The following MUC5B variants were observed in gnomAD, a reference collection of about 807,000 sequenced individuals.
MUC5B encodes the protein mucin-5B.
In MUC5B, 116 loss-of-function variants were observed where a neutral mutation model predicts 376.9. The ratio of observed to expected loss-of-function variants is 0.31; its 90% confidence interval spans 0.26 to 0.36. The LOEUF (loss-of-function observed/expected upper bound fraction) is 0.36. Among genes scored for constraint, MUC5B ranks in the 10% least tolerant of loss-of-function variants. MUC5B has a pLI of 1.00. For missense variants in MUC5B, 7,165 were observed against 7,769.9 expected (o/e 0.92, Z 2.93); for synonymous variants, 3,517 against 3,390.9 (o/e 1.04, Z -1.29).
In MUC5B at chr11:1,248,798, C is replaced by A; in HGVS notation, c.11918C>A (p.Pro3973His). ...PSSTPGTTPI[P>H]PVLTTTATTP... ...TCAACTCCAGGGACAACACCTATCC[C>A]CCCAGTGCTGACCACCACCGCCACC... The change falls in exon 31 of 49, where the codon CCC becomes CAC. Residue 3973 changes from proline to histidine, a missense_variant. Coordinates refer to ENST00000529681, the MANE Select transcript of MUC5B (RefSeq NM_002458.3). The A allele has an allele frequency of 6.5e-7, 1 of 1,549,166 alleles. No homozygotes were observed. Among genetic ancestry groups the A allele is most frequent in the Middle Eastern group, 1.7e-4 (1 of 5,762 alleles).
At chr11:1,232,868 G>T in intron 17 of MUC5B, 98 bp downstream of exon 17, 1 of 1,474,606 alleles carries the variant, frequency 6.8e-7, no homozygotes, top group South Asian at 1.4e-5. Flanking sequence ...TCTCAGCCCA[G>T]AGCTTTGCAC....
chr11:1,247,115 C>T lies in MUC5B; in HGVS notation c.10235C>T (p.Thr3412Ile). ...ACCAACCCCTCCTCAACTCCAGGGACAACTCCCATCCCCCCAGTGCTGACC... is the reference window on the plus strand; with the variant it reads ...ACCAACCCCTCCTCAACTCCAGGGATAACTCCCATCCCCCCAGTGCTGACC... The part of the protein sequence containing the change: ...STTNPSSTPG[T>I]TPIPPVLTTT... Residue 3412 changes from threonine (T) to isoleucine (I), a missense_variant, in exon 31 of 49, where the codon ACA (threonine) becomes ATA (isoleucine). This residue lies in a region of MUC5B where 939 missense variants were observed against 770.6 expected (regional missense o/e 1.22). Transcript: ENST00000529681. 6.4e-7 allele frequency: 1 copy of T among 1,567,236 alleles called. No homozygotes were observed. The highest frequency in any genetic ancestry group is 8.6e-7 in the Non-Finnish European group (1 of 1,156,660).
rs56278723 is a variant in MUC5B, at chr11:1,257,886, C to T, written c.16450+176C>T. 1.3e-5 allele frequency among the ~76,000 whole-genome samples: 2 copies of T among 152,256 alleles called. No individual in the cohort carries two copies. Among genetic ancestry groups the T allele is most frequent in the African/African-American group, 2.4e-5 (1 of 41,556 alleles). Reference sequence around the variant, plus strand: ...TCCAGGTGCTTCATTCTCCTCCTAACGATGAGGCTGGTGACCTCTGGCCTG... The same window carrying T: ...TCCAGGTGCTTCATTCTCCTCCTAATGATGAGGCTGGTGACCTCTGGCCTG... On this transcript the variant is annotated intron_variant, in intron 41 of 48. Transcript: ENST00000529681. This position sits in a 1 kb window ranked among gnomAD's most constrained non-coding sequence, Gnocchi z 8.9.
At chr11:1,261,251 T>G in intron 48 of MUC5B, 138 bp from the exon 49 acceptor site, 1 of 710,432 alleles carries the variant, frequency 1.4e-6, no homozygotes, top group African/African-American at 1.8e-5. Flanking sequence ...AAGCCTCACG[T>G]GCCCACAGAG....
intron 25 of MUC5B, 33 bp from the exon 26 acceptor site, chr11:1,238,838 C>T: frequency 1.3e-6 from 2 of 1,537,274 alleles, no homozygotes; most frequent in Non-Finnish European, 1.8e-6. Context: ...GGGCCATTGT[C>T]CCGGCTGAGC....
At position 1,233,059 on chromosome 11, in the gene MUC5B, G is replaced by T; in HGVS notation, c.2112G>T (p.Val704=). The T allele has an allele frequency of 6.2e-7, 1 of 1,605,280 alleles. No homozygotes were observed. The change falls in exon 18 of 49, where the codon GTG becomes GTT. Residue 704 remains valine (V), a synonymous_variant. Coordinates refer to ENST00000529681, the MANE Select transcript of MUC5B (RefSeq NM_002458.3). ...CCAAGTCCCAGCGCTACGCCTACGT[G>T]GTGGATGCCTGCCAGCCCACTTGCC... is the stretch of plus-strand genomic sequence containing the variant. ...NCPKSQRYAY[V]VDACQPTCRG... is the part of the protein sequence containing the mutation.
At position 1,253,012 on chromosome 11, in the gene MUC5B, G is replaced by A. The variant is rs116907984; in HGVS notation, c.15217+32G>A. ...GCGTCGGTGGCCGCGGGATTACCCC[G>A]GGGGCAGGTGGAGCAGAGTGCACCG... On this transcript the variant is annotated intron_variant, in intron 33 of 48. Transcript: ENST00000529681. The surrounding 1 kb of genome is among the most constrained non-coding windows in gnomAD (Gnocchi z 4.3). 0.03 allele frequency: 47,847 copies of A among 1,610,856 alleles called. 899 individuals carry two copies. The highest frequency in any genetic ancestry group is 0.033 in the Non-Finnish European group (38,561 of 1,179,072).
chr11:1,227,486 T>C, intron 6 of MUC5B, 88 bp downstream of exon 6: 1 of 1,066,994 alleles, frequency 9.4e-7, no homozygotes, highest in Non-Finnish European at 1.4e-6. Context: ...GGGGGCGGAG[T>C]GGGGACCGGG....
rs745579666 is a variant in MUC5B, at chr11:1,246,645, C to A, written c.9765C>A (p.Thr3255=). ...LGTAWTRLSQ[T]TTPTATMSTA... is the part of the protein sequence containing the mutation. ...CCGCCTGGACCCGCCTATCACAGAC[C>A]ACCACACCCACGGCCACCATGTCCA... Residue 3255 remains threonine (T), a synonymous_variant, in exon 31 of 49, where the codon ACC becomes ACA. Transcript: ENST00000529681. 4 of 1,612,758 alleles carry A rather than the reference C, an allele frequency of 2.5e-6. No homozygotes were observed. The highest frequency in any genetic ancestry group is 2.7e-5 in the African/African-American group (2 of 74,842).
At chr11:1,252,206 C>A in intron 31 of MUC5B, 137 bp from the exon 32 acceptor site, 1 of 841,908 alleles carries the variant, frequency 1.2e-6, no homozygotes, top group Non-Finnish European at 1.8e-6. Flanking sequence ...ACTGGCCACA[C>A]TCAGCCTCTG....
In MUC5B at chr11:1,256,268, T is replaced by A. The variant is rs112528808; in HGVS notation, c.16136+43T>A. 527 of 715,330 alleles carry A rather than the reference T, an allele frequency of 7.4e-4. 6 individuals are homozygous for A. In the African/African-American group the frequency reaches 8.1e-3, roughly 11 times the overall value. 44.3% of individuals were successfully genotyped at this position (715,330 alleles called of 1,614,324 possible). ...TGGTGCCTTCCCTGCCACCCAGGCCTGCCTGACCGGTCTGGGGGAGCAGGA... is the reference window on the plus strand; with the variant it reads ...TGGTGCCTTCCCTGCCACCCAGGCCAGCCTGACCGGTCTGGGGGAGCAGGA... On this transcript the variant is annotated intron_variant, in intron 38 of 48. Coordinates refer to ENST00000529681, the MANE Select transcript of MUC5B (RefSeq NM_002458.3).
intron 8 of MUC5B, among the ~76,000 whole-genome samples, 159 bp downstream of exon 8, chr11:1,228,924 G>A (rs1474913843): frequency 2.0e-5 from 3 of 151,700 alleles, no homozygotes; most frequent in Admixed American, 6.6e-5. Context: ...AGGACCCCAG[G>A]AGGGGGTGGG....
intron 16 of MUC5B, 48 bp from the exon 17 acceptor site, chr11:1,232,596 C>A: frequency 6.2e-7 from 1 of 1,601,390 alleles, no homozygotes; most frequent in Non-Finnish European, 8.5e-7. Flanking sequence ...GTGGGGGAGC[C>A]CTGGCAGGCT....
At chr11:1,260,113 T>C in intron 46 of MUC5B, 28 bp downstream of exon 46, 2 of 1,608,862 alleles carry the variant, frequency 1.2e-6, no homozygotes, top group Non-Finnish European at 1.7e-6. Context: ...TGCCCCTGCC[T>C]GGGAGTCCTT....
chr11:1,253,294 C>T lies in MUC5B; in HGVS notation c.15217+314C>T, dbSNP rs1862752699. Among the ~76,000 whole-genome samples the T allele has an allele frequency of 6.6e-6, 1 of 152,058 alleles. No homozygotes were observed. Among genetic ancestry groups the T allele is most frequent in the Non-Finnish European group, 1.5e-5 (1 of 68,008 alleles). On this transcript the variant is annotated intron_variant, in intron 33 of 48. Coordinates refer to ENST00000529681, the MANE Select transcript of MUC5B (RefSeq NM_002458.3). This position sits in a 1 kb window ranked among gnomAD's most constrained non-coding sequence, Gnocchi z 4.3. ...ACAGGGCTGAAAATGCTGACACAGCCCAAGGGAGAGGCAGCAGAGGCTGGT... is the reference window on the plus strand; with the variant it reads ...ACAGGGCTGAAAATGCTGACACAGCTCAAGGGAGAGGCAGCAGAGGCTGGT...
chr11:1,231,865 G>A lies in MUC5B; in HGVS notation c.1679-131G>A, dbSNP rs141979599. On this transcript the variant is annotated intron_variant, in intron 14 of 48. Transcript: ENST00000529681. ...CCCCGCCAGGGCTTATCTGCAGAGG[G>A]TTCTGGGAGCAGAATCCTGGGACAG... 618 of 1,298,232 alleles carry A rather than the reference G, an allele frequency of 4.8e-4. 6 individuals carry two copies. In the African/African-American group the frequency reaches 8.2e-3, roughly 17 times the overall value. 80.4% of individuals were successfully genotyped at this position (1,298,232 alleles called of 1,614,324 possible).
Position 1,229,195 on chromosome 11 carries a change from G to A in MUC5B, c.1002G>A (p.Gln334=). Residue 334 remains glutamine, a synonymous_variant, in exon 9 of 49, where the codon CAG becomes CAA. Coordinates refer to ENST00000529681, the MANE Select transcript of MUC5B (RefSeq NM_002458.3). ...CCCGGACCTGCCCCCTCAACATGCA[G>A]CACCAGGAGTGTGGCTCACCCTGCA... ...LCPRTCPLNM[Q]HQECGSPCTD... 6.3e-7 allele frequency: 1 copy of A among 1,598,880 alleles called. No homozygotes were observed. The highest frequency in any genetic ancestry group is 8.5e-7 in the Non-Finnish European group (1 of 1,176,438).
rs1236036233 is a variant in MUC5B at position 1,257,792 on chromosome 11, CACAGGAGAGCA to C, written c.16450+83_16450+93del. 5.5e-6 allele frequency: 8 copies of C among 1,448,692 alleles called. No homozygotes were observed. In the East Asian group the frequency reaches 7.5e-5, roughly 14 times the overall value. The allele number at this position is 1,448,692 out of a possible 1,614,324, so 89.7% of individuals were successfully genotyped here. On this transcript the variant is annotated intron_variant, in intron 41 of 48. Coordinates refer to ENST00000529681, the MANE Select transcript of MUC5B (RefSeq NM_002458.3). The surrounding 1 kb of genome is among the most constrained non-coding windows in gnomAD (Gnocchi z 8.9). The stretch of plus-strand genomic sequence containing the variant: ...GCCCACCAGGGGCCTGTGGGTTGGG[CACAGGAGAGCA>C]GAGGAGAGCCACTGTGTCCTGGCGT...
At position 1,240,549 on chromosome 11, in the gene MUC5B, C is replaced by T. The variant is rs564700958; in HGVS notation, c.3970+174C>T. Among the ~76,000 whole-genome samples, 67 of 152,296 alleles carry T rather than the reference C, an allele frequency of 4.4e-4. No homozygotes were observed. The South Asian group carries it at 6.4e-3, about 15-fold the overall frequency. On this transcript the variant is annotated intron_variant, in intron 30 of 48. Coordinates refer to ENST00000529681, the MANE Select transcript of MUC5B (RefSeq NM_002458.3). ...CACCCTGCGTGTCTCCAGGGGCTCC[C>T]CACGAAGCCTCAGCACAATGATTGA...
Sources: allele counts gnomAD v4.1 joint callset (sites outside exome capture counted in the v4.1 genomes callset), GRCh38; gene constraint gnomAD v4.1.1; regional missense constraint gnomAD v4.1.1; non-coding constraint Gnocchi (gnomAD v3.1); transcripts MANE v1.5; gene names NCBI Gene and HGNC (gene_info 2026-07-23, HGNC 2026-07-21).